ADCY2: variants seen among roughly 807,000 people sequenced by gnomAD.
ADCY2 encodes the protein adenylate cyclase 2.
Under a neutral mutation model 125.2 loss-of-function variants are expected in ADCY2, and 31 were observed. The observed-to-expected ratio is 0.25, with a 90% CI of 0.19 to 0.33. ADCY2 has a LOEUF of 0.33. Ranked by LOEUF, ADCY2 falls within the 10% of genes least tolerant of loss-of-function variation. The pLI is 1.00. For missense variants in ADCY2, 904 were observed against 1,418.2 expected, an observed-to-expected ratio of 0.64 and a Z score of 5.82; for synonymous variants, 512 against 548.4, an observed-to-expected ratio of 0.93 and a Z score of 0.93.
At chr5:7,707,054 G>A in intron 8 of ADCY2, 152 bp downstream of exon 8, 1 of 996,090 alleles carries the variant, frequency 1.0e-6, no homozygotes, top group Non-Finnish European at 1.4e-6. Context: ...CTTATGTTAA[G>A]CAGATAAAGA....
At chr5:7,722,167 A>T (rs144444485) in intron 12 of ADCY2, among the ~76,000 whole-genome samples, 3 of 152,272 alleles carry the variant, frequency 2.0e-5, no homozygotes, top group East Asian at 1.9e-4. Flanking sequence ...CCAAGCACAG[A>T]TCTAATGCTG....
chr5:7,499,276 G>T (rs1743459219), intron 2 of ADCY2, among the ~76,000 whole-genome samples: 1 of 152,104 alleles, frequency 6.6e-6, no homozygotes. Context: ...AAAGTGCTGG[G>T]ATTACAGGCA....
chr5:7,416,015 G>C (rs1321154784), intron 2 of ADCY2, among the ~76,000 whole-genome samples: 1 of 152,178 alleles, frequency 6.6e-6, no homozygotes, highest in Admixed American at 6.5e-5. Context: ...ATGATGGGGA[G>C]AAGAGAGCCA....
rs145573484 is a variant in ADCY2, at chr5:7,777,147, TC to T, written c.2384+4047del. 2.7e-3 allele frequency among the ~76,000 whole-genome samples: 413 copies of T among 152,168 alleles called. 2 individuals are homozygous for T. The highest frequency in any genetic ancestry group is 9.1e-3 in the African/African-American group (376 of 41,524). On this transcript the variant is annotated intron_variant, in intron 18 of 24. Transcript: ENST00000338316. ...CCCTCAAGCTTCTGGCTTTCACCCC[TC>T]GGTGTGCCTGAGGACCAAGCAGCTC...
intron 2 of ADCY2, among the ~76,000 whole-genome samples, chr5:7,438,151 C>A (rs1561025467): frequency 6.6e-6 from 1 of 152,180 alleles, no homozygotes; most frequent in Non-Finnish European, 1.5e-5. Context: ...CCAAGAAGGT[C>A]CACCGGAAGA....
chr5:7,747,598 AT>A (rs577420339), intron 15 of ADCY2, among the ~76,000 whole-genome samples: 25 of 152,208 alleles, frequency 1.6e-4, no homozygotes, highest in African/African-American at 5.3e-4. Flanking sequence ...CTGCGTCAAA[AT>A]GCCTTGTTCA....
intron 2 of ADCY2, among the ~76,000 whole-genome samples, chr5:7,432,904 A>C (rs1163146465): frequency 6.6e-6 from 1 of 152,182 alleles, no homozygotes; most frequent in Non-Finnish European, 1.5e-5. Context: ...TTCAACATGT[A>C]CTGCTTATTG....
intron 14 of ADCY2, among the ~76,000 whole-genome samples, chr5:7,732,311 G>A (rs541364037): frequency 6.6e-6 from 1 of 152,194 alleles, no homozygotes; most frequent in Non-Finnish European, 1.5e-5. Context: ...CTGGTGGAGA[G>A]GTTTTCTGTT....
At chr5:7,549,515 G>T (rs1280029652) in intron 3 of ADCY2, among the ~76,000 whole-genome samples, 1 of 152,164 alleles carries the variant, frequency 6.6e-6, no homozygotes, top group African/African-American at 2.4e-5. Context: ...AAAATGGGAT[G>T]GGAAGGTATC....
chr5:7,601,962 C>T (rs1030140547), intron 3 of ADCY2, among the ~76,000 whole-genome samples: 3 of 152,174 alleles, frequency 2.0e-5, no homozygotes, highest in East Asian at 3.9e-4. Flanking sequence ...GGAGGCTCTA[C>T]GGGAGGATCT....
chr5:7,525,450 C>A (rs1306203394), intron 3 of ADCY2, among the ~76,000 whole-genome samples: 1 of 152,208 alleles, frequency 6.6e-6, no homozygotes, highest in Non-Finnish European at 1.5e-5. Flanking sequence ...ATCTTTCTGG[C>A]TGATCTTATT....
At chr5:7,615,355 A>G (rs1484464046) in intron 3 of ADCY2, among the ~76,000 whole-genome samples, 1 of 152,106 alleles carries the variant, frequency 6.6e-6, no homozygotes, top group Admixed American at 6.5e-5. Flanking sequence ...TCCGGCCAAT[A>G]ATTTTTAACT....
chr5:7,582,168 C>G (rs1457248320), intron 3 of ADCY2, among the ~76,000 whole-genome samples: 1 of 152,104 alleles, frequency 6.6e-6, no homozygotes, highest in Non-Finnish European at 1.5e-5. Flanking sequence ...TATTATCAGA[C>G]ATTTTACAAT....
Position 7,723,595 on chromosome 5 carries a change from G to A in ADCY2, c.1704-950G>A, listed in dbSNP as rs182212357. Among the ~76,000 whole-genome samples, 29 of 152,222 alleles carry A rather than the reference G, an allele frequency of 1.9e-4. No homozygotes were observed. In the East Asian group the frequency reaches 2.7e-3, roughly 14 times the overall value. ...ATGTTTGCATCAACCTATTCTGAAC[G>A]GATTGCTAATTATATTAGTATTTTT... is the stretch of plus-strand genomic sequence containing the variant. On this transcript the variant is annotated intron_variant, in intron 12 of 24. Coordinates refer to ENST00000338316, the MANE Select transcript of ADCY2 (RefSeq NM_020546.3).
intron 1 of ADCY2, among the ~76,000 whole-genome samples, chr5:7,403,024 A>G (rs1045858611): frequency 6.6e-6 from 1 of 152,306 alleles, no homozygotes; most frequent in Admixed American, 6.5e-5. Flanking sequence ...TCTCTCAGAC[A>G]TGATGCTGGG....
chr5:7,401,442 G>T (rs748865033), intron 1 of ADCY2, among the ~76,000 whole-genome samples: 2 of 152,110 alleles, frequency 1.3e-5, no homozygotes, highest in African/African-American at 4.8e-5. Flanking sequence ...TCCCAGCGCT[G>T]GTCTTGGAAA....
intron 3 of ADCY2, among the ~76,000 whole-genome samples, chr5:7,535,720 G>A (rs1420279527): frequency 6.6e-6 from 1 of 152,198 alleles, no homozygotes; most frequent in Non-Finnish European, 1.5e-5. Flanking sequence ...GGATACGAAG[G>A]TGATTGAAAC....
chr5:7,534,192 C>G (rs1207063573), intron 3 of ADCY2, among the ~76,000 whole-genome samples: 1 of 152,222 alleles, frequency 6.6e-6, no homozygotes, highest in Non-Finnish European at 1.5e-5. Flanking sequence ...GCCTTCTAAT[C>G]TGTGTTCTCT....
chr5:7,515,857 C>A (rs559447629), intron 2 of ADCY2, among the ~76,000 whole-genome samples: 3 of 152,192 alleles, frequency 2.0e-5, no homozygotes, highest in African/African-American at 7.2e-5. Flanking sequence ...AGAAAATTAA[C>A]AAATAAATGG....
Sources: gnomAD v4.1 joint callset for allele counts (sites outside exome capture counted in the v4.1 genomes callset) on GRCh38, gnomAD v4.1.1 for gene constraint, MANE v1.5 for transcripts, NCBI Gene and HGNC (gene_info 2026-07-23, HGNC 2026-07-21) for gene names.